Variants in FAM161A observed in about 807,000 individuals in gnomAD.
FAM161A encodes the protein FAM161 centrosomal protein A.
A neutral mutation model predicts 70.9 loss-of-function variants in FAM161A; 57 were observed. That is an observed-to-expected ratio of 0.80 (90% confidence interval 0.65 to 1.00). The LOEUF is 1.00. Among genes scored for constraint, FAM161A ranks in the 50% least tolerant of loss-of-function variants. The pLI, the probability that FAM161A is intolerant of heterozygous loss-of-function variation, is 0.00. For synonymous variants in FAM161A, 299 were observed against 295.7 expected, an observed-to-expected ratio of 1.01 and a Z score of -0.12; for missense variants, 880 against 836.0, an observed-to-expected ratio of 1.05 and a Z score of -0.65.
At position 61,840,156 on chromosome 2, in the gene FAM161A, C is replaced by T. The variant is rs201935759; in HGVS notation, c.848G>A (p.Arg283Gln). ...EEDPEYKKKF[R>Q]ANPVPASVFL... ...GACAGATGCAGGAACTGGATTGGCT[C>T]GGAATTTCTTCTTATACTCTGGATC... Residue 283 changes from arginine (R) to glutamine (Q), a missense_variant, in exon 3 of 7, where the codon CGA becomes CAA. Physicochemically the swap from Arg to Gln is conservative, Grantham distance 43. Coordinates refer to ENST00000404929, the MANE Select transcript of FAM161A (RefSeq NM_001201543.2). The T allele has an allele frequency of 1.5e-5, 24 of 1,614,040 alleles. No homozygotes were observed. Among genetic ancestry groups the T allele is most frequent in the Non-Finnish European group, 1.8e-5 (21 of 1,180,018 alleles).
downstream of FAM161A, chr2:61,820,493 G>T: frequency 1.3e-6 from 1 of 754,392 alleles, no homozygotes; most frequent in East Asian, 2.5e-5. Flanking sequence ...CAAAGACCAG[G>T]TGCCCACCTA....
At chr2:61,829,087 A>G (rs1238611339) in intron 5 of FAM161A, among the ~76,000 whole-genome samples, 3 of 152,168 alleles carry the variant, frequency 2.0e-5, no homozygotes, top group Non-Finnish European at 4.4e-5. Context: ...AGGAGTACCC[A>G]GTCTAACCCC....
At chr2:61,830,846 C>G (rs2105065339) in intron 5 of FAM161A, among the ~76,000 whole-genome samples, 1 of 151,914 alleles carries the variant, frequency 6.6e-6, no homozygotes, top group South Asian at 2.1e-4. Context: ...TGTGGTGGTT[C>G]ACATCTGTAA....
chr2:61,818,439 G>T, the FAM161A span, among the ~76,000 whole-genome samples: 2 of 152,180 alleles, frequency 1.3e-5, no homozygotes, highest in South Asian at 4.1e-4. Context: ...CTGGGTCAGA[G>T]AAAGTACAAG....
intron 1 of FAM161A, among the ~76,000 whole-genome samples, chr2:61,843,197 G>A (rs1362398555): frequency 1.3e-5 from 2 of 152,150 alleles, no homozygotes; most frequent in South Asian, 2.1e-4. Context: ...AGGCTGGAGT[G>A]CAGTGGCACC....
intron 1 of FAM161A, 116 bp downstream of exon 1, chr2:61,853,743 A>ATG: frequency 4.6e-6 from 5 of 1,076,380 alleles, no homozygotes; most frequent in Non-Finnish European, 6.8e-6. Flanking sequence ...AGTAGGGACT[A>ATG]TGTGCACAGG....
chr2:61,830,180 G>T (rs1167805245), intron 5 of FAM161A, among the ~76,000 whole-genome samples: 2 of 152,140 alleles, frequency 1.3e-5, no homozygotes, highest in Non-Finnish European at 2.9e-5. Context: ...AAATGGTAAG[G>T]CGAAGGTATA....
At chr2:61,834,735 G>A (rs892286717) in intron 5 of FAM161A, among the ~76,000 whole-genome samples, 2 of 152,036 alleles carry the variant, frequency 1.3e-5, no homozygotes, top group Non-Finnish European at 2.9e-5. Context: ...AATGCTGGCT[G>A]GGATTACAGG....
chr2:61,826,620 A>G (rs756054713), intron 6 of FAM161A, 21 bp from the exon 7 acceptor site: 16 of 1,594,392 alleles, frequency 1.0e-5, no homozygotes, highest in South Asian at 4.5e-5. Context: ...AAATTTATCA[A>G]TCTTTCAAAG....
At chr2:61,841,575 G>T (rs1673021332) in intron 2 of FAM161A, among the ~76,000 whole-genome samples, 1 of 152,118 alleles carries the variant, frequency 6.6e-6, no homozygotes, top group African/African-American at 2.4e-5. Flanking sequence ...TAGTCTCTAA[G>T]CTCCTTGAGG....
chr2:61,811,044 T>C, the FAM161A span, among the ~76,000 whole-genome samples: 1 of 152,168 alleles, frequency 6.6e-6, no homozygotes, highest in Admixed American at 6.6e-5. Flanking sequence ...ACTTCATCCT[T>C]GGATGCATTA....
At chr2:61,811,844 T>A in the FAM161A span, among the ~76,000 whole-genome samples, 1 of 152,138 alleles carries the variant, frequency 6.6e-6, no homozygotes, top group Non-Finnish European at 1.5e-5. Context: ...TGCTCAGTTT[T>A]CAACCCTCCC....
chr2:61,819,074 G>T, the FAM161A span, among the ~76,000 whole-genome samples: 1 of 152,152 alleles, frequency 6.6e-6, no homozygotes, highest in East Asian at 1.9e-4. Flanking sequence ...AACAATTAGA[G>T]AAATCTAAAT....
In FAM161A at chr2:61,826,345, G is replaced by T. The variant is rs954332661; in HGVS notation, c.*110C>A. 9 of 1,195,022 alleles carry T rather than the reference G, an allele frequency of 7.5e-6. No homozygotes were observed. The highest frequency in any genetic ancestry group is 1.1e-5 in the Non-Finnish European group (9 of 819,738). 74.0% of individuals were successfully genotyped at this position (1,195,022 alleles called of 1,614,324 possible). On this transcript the variant is annotated 3_prime_UTR_variant, in exon 7 of 7. Transcript: ENST00000404929. ...AGGCTACAGATGACTTTGATCAACAGCCCTGCACATATCAGAAGCGTCCCC... is the reference window on the plus strand; with the variant it reads ...AGGCTACAGATGACTTTGATCAACATCCCTGCACATATCAGAAGCGTCCCC...
chr2:61,826,653 T>A, intron 6 of FAM161A, 54 bp from the exon 7 acceptor site: 1 of 1,496,528 alleles, frequency 6.7e-7, no homozygotes, highest in Non-Finnish European at 9.2e-7. Flanking sequence ...GGTTTAAAGG[T>A]AAACAAACCC....
At chr2:61,842,552 G>C (rs771600654) in intron 1 of FAM161A, among the ~76,000 whole-genome samples, 192 bp from the exon 2 acceptor site, 3 of 152,194 alleles carry the variant, frequency 2.0e-5, no homozygotes, top group Non-Finnish European at 2.9e-5. Context: ...TTTTAAGAAC[G>C]AGAGGGAGCA....
At chr2:61,819,725 G>C in the FAM161A span, among the ~76,000 whole-genome samples, 1 of 151,962 alleles carries the variant, frequency 6.6e-6, no homozygotes, top group Non-Finnish European at 1.5e-5. Context: ...CTCTTGGCAT[G>C]GTTTTTAGGA....
rs766754945 is a variant in FAM161A at position 61,825,032 on chromosome 2, C to A, written c.*1423G>T. 4.2e-5 allele frequency: 19 copies of A among 453,552 alleles called. No homozygotes were observed. The highest frequency in any genetic ancestry group is 6.8e-4 in the Middle Eastern group (1 of 1,464). The allele number at this position is 453,552 out of a possible 1,614,324, so 28.1% of individuals were successfully genotyped here. On this transcript the variant is annotated 3_prime_UTR_variant, in exon 7 of 7. Transcript: ENST00000404929. Reference sequence around the variant, plus strand: ...GAAGAAAATTACAAGTAAACATTTGCCCCTGATGGAGAAAAATGACCTTAT... The same window carrying A: ...GAAGAAAATTACAAGTAAACATTTGACCCTGATGGAGAAAAATGACCTTAT...
the FAM161A span, among the ~76,000 whole-genome samples, chr2:61,819,335 AT>A: frequency 6.6e-6 from 1 of 152,090 alleles, no homozygotes; most frequent in African/African-American, 2.4e-5. Flanking sequence ...GTGGTGGCGC[AT>A]GCCTGTAGTC....
Sources: allele counts gnomAD v4.1 joint callset (sites outside exome capture counted in the v4.1 genomes callset), GRCh38; gene constraint gnomAD v4.1.1; transcripts MANE v1.5; gene names NCBI Gene and HGNC (gene_info 2026-07-23, HGNC 2026-07-21).